KIN: variants seen among roughly 807,000 people sequenced by gnomAD.
The protein encoded by KIN is DNA/RNA-binding protein KIN17.
A neutral mutation model predicts 63.0 loss-of-function variants in KIN; 47 were observed. The ratio of observed to expected loss-of-function variants is 0.75; its 90% CI spans 0.59 to 0.95. The LOEUF (loss-of-function observed/expected upper bound fraction) is 0.95. Ranked by LOEUF, KIN falls within the 40% of genes least tolerant of loss-of-function variation. The pLI is 0.00. For synonymous variants in KIN, 160 were observed against 157.7 expected (o/e 1.01, Z -0.11); for missense variants, 408 against 460.9 (o/e 0.89, Z 1.05).
rs555367585 is a variant in KIN, at chr10:7,751,086, T to A, written c.*4994A>T. The A allele has an allele frequency of 6.6e-6, 1 of 152,352 alleles. No homozygotes were observed. Among genetic ancestry groups the A allele is most frequent in the East Asian group, 1.9e-4 (1 of 5,190 alleles). The allele number at this position is 152,352 out of a possible 1,614,324, so 9.4% of individuals were successfully genotyped here. A position where few individuals can be genotyped will look rare whatever the true frequency, so the allele number is the denominator to read the frequency against. Reference sequence around the variant, plus strand: ...AATTTAAAGCGAAACTAGGTTACTTTATGCTGTCTGCATTTGTATAGTGGA... The same window carrying A: ...AATTTAAAGCGAAACTAGGTTACTTAATGCTGTCTGCATTTGTATAGTGGA... On this transcript the variant is annotated 3_prime_UTR_variant, in exon 13 of 13. Transcript: ENST00000379562.
At chr10:7,763,257 G>GAAATAA (rs1199258248) in intron 10 of KIN, among the ~76,000 whole-genome samples, 1 of 152,036 alleles carries the variant, frequency 6.6e-6, no homozygotes, top group African/African-American at 2.4e-5. Flanking sequence ...CTCTGTCTCA[G>GAAATAA]AAATAAAAAT....
chr10:7,778,654 G>C (rs1470393509), intron 5 of KIN, among the ~76,000 whole-genome samples, 184 bp downstream of exon 5: 1 of 152,124 alleles, frequency 6.6e-6, no homozygotes, highest in African/African-American at 2.4e-5. Flanking sequence ...CAGGAGAACT[G>C]CTTGAACCTG....
chr10:7,774,682 A>G (rs1835733094), intron 7 of KIN, 149 bp downstream of exon 7: 2 of 667,100 alleles, frequency 3.0e-6, no homozygotes, highest in Non-Finnish European at 5.2e-6. Flanking sequence ...AAAAAGAACA[A>G]TTGCTAAAAA....
In KIN at chr10:7,759,873, T is replaced by C. The variant is rs773720180; in HGVS notation, c.1119+17A>G. The C allele has an allele frequency of 6.0e-5, 74 of 1,236,684 alleles. No homozygotes were observed. The highest frequency in any genetic ancestry group is 7.9e-5 in the Non-Finnish European group (67 of 851,640). 76.6% of individuals were successfully genotyped at this position (1,236,684 alleles called of 1,614,324 possible). Reference sequence around the variant, plus strand: ...TAAAGCATTTTGAAATTTCTGTCTTTGTGTAAACAAACTTACAGTTTCAAT... The same window carrying C: ...TAAAGCATTTTGAAATTTCTGTCTTCGTGTAAACAAACTTACAGTTTCAAT... On this transcript the variant is annotated intron_variant, in intron 12 of 12. Coordinates refer to ENST00000379562, the MANE Select transcript of KIN (RefSeq NM_012311.4).
At chr10:7,773,100 T>A (rs1474439678) in intron 7 of KIN, among the ~76,000 whole-genome samples, 1 of 152,170 alleles carries the variant, frequency 6.6e-6, no homozygotes, top group Non-Finnish European at 1.5e-5. Context: ...ACTGGAGAGA[T>A]GCAACCATGA....
At chr10:7,770,797 G>T (rs912319847) in intron 7 of KIN, among the ~76,000 whole-genome samples, 1 of 152,188 alleles carries the variant, frequency 6.6e-6, no homozygotes, top group Non-Finnish European at 1.5e-5. Context: ...GAATACAACA[G>T]ATTTATTATT....
rs757255122 is a variant in KIN, at chr10:7,762,439, G to A, written c.1018+18C>T. On this transcript the variant is annotated intron_variant, in intron 11 of 12. Transcript: ENST00000379562. ...ATTTTGATGGCATATGTATTAAATG[G>A]TCTGCAAACAGATTTACCTGGTGCT... The A allele has an allele frequency of 6.9e-7, 1 of 1,449,778 alleles. No individual in the cohort carries two copies. Among genetic ancestry groups the A allele is most frequent in the East Asian group, 2.3e-5 (1 of 43,956 alleles). The allele number at this position is 1,449,778 out of a possible 1,614,324, so 89.8% of individuals were successfully genotyped here.
chr10:7,775,034 C>T (rs1379776927), intron 6 of KIN, 143 bp from the exon 7 acceptor site: 3 of 627,240 alleles, frequency 4.8e-6, no homozygotes, highest in Non-Finnish European at 8.4e-6. Context: ...ATACGGAGAC[C>T]ACACATTCCT....
At chr10:7,761,054 T>C (rs1223182077) in intron 11 of KIN, among the ~76,000 whole-genome samples, 1 of 152,164 alleles carries the variant, frequency 6.6e-6, no homozygotes, top group Non-Finnish European at 1.5e-5. Flanking sequence ...TGTCAGCAGA[T>C]GTCGAGGAAG....
chr10:7,778,600 G>A (rs1262843986), intron 5 of KIN, among the ~76,000 whole-genome samples: 4 of 152,134 alleles, frequency 2.6e-5, no homozygotes, highest in African/African-American at 7.2e-5. Flanking sequence ...TTATCTGGGC[G>A]TGGTGGCGGG....
chr10:7,787,779 G>C, intron 1 of KIN, 41 bp downstream of exon 1: 1 of 1,469,182 alleles, frequency 6.8e-7, no homozygotes, highest in Non-Finnish European at 9.5e-7. Flanking sequence ...GGATTGCCAG[G>C]GGCCCTCCTG....
chr10:7,757,042 T>C (rs1252918634), intron 12 of KIN, among the ~76,000 whole-genome samples: 1 of 152,230 alleles, frequency 6.6e-6, no homozygotes, highest in African/African-American at 2.4e-5. Context: ...GTTTCCTCTC[T>C]GTGCCTTATT....
intron 2 of KIN, among the ~76,000 whole-genome samples, chr10:7,782,455 A>G (rs568766201): frequency 6.6e-6 from 1 of 150,732 alleles, no homozygotes; most frequent in East Asian, 2.0e-4. Flanking sequence ...CTAGAGTGCA[A>G]TGGTGCAATC....
rs555810316 is a variant in KIN at position 7,760,160 on chromosome 10, G to T, written c.1019-170C>A. ...GTGTAGTATTTTAGTGCGGTGTATGGATACTTTCACTACTCGAACATTATA... is the reference window on the plus strand; with the variant it reads ...GTGTAGTATTTTAGTGCGGTGTATGTATACTTTCACTACTCGAACATTATA... On this transcript the variant is annotated intron_variant, in intron 11 of 12. Transcript: ENST00000379562. Among the ~76,000 whole-genome samples, 3 of 152,202 alleles carry T rather than the reference G, an allele frequency of 2.0e-5. No individual in the cohort carries two copies. The South Asian group carries it at 6.2e-4, about 32-fold the overall frequency.
At chr10:7,760,101 C>A in intron 11 of KIN, 111 bp from the exon 12 acceptor site, 2 of 537,234 alleles carry the variant, frequency 3.7e-6, no homozygotes, top group Non-Finnish European at 6.4e-6. Flanking sequence ...AAACAAAACC[C>A]TTTTTCTTAG....
intron 10 of KIN, 50 bp downstream of exon 10, chr10:7,763,673 A>G (rs775709525): frequency 2.0e-6 from 2 of 1,001,678 alleles, no homozygotes; most frequent in East Asian, 2.6e-5. Context: ...AGCTTCACTC[A>G]GTGACCCAAG....
intron 5 of KIN, among the ~76,000 whole-genome samples, chr10:7,777,708 G>T (rs746443314): frequency 6.6e-6 from 1 of 152,060 alleles, no homozygotes; most frequent in East Asian, 1.9e-4. Flanking sequence ...GATCAACCTG[G>T]CCAACATGGT....
chr10:7,766,657 A>T (rs920488476), intron 8 of KIN, among the ~76,000 whole-genome samples: 57 of 152,268 alleles, frequency 3.7e-4, no homozygotes, highest in Non-Finnish European at 5.9e-5. Flanking sequence ...TTCTTTCTCA[A>T]CTGCTTACAG....
In KIN at chr10:7,755,937, G is replaced by GAAA; in HGVS notation, c.*142_*143insTTT. 1 of 287,222 alleles carries GAAA rather than the reference G, an allele frequency of 3.5e-6. No individual in the cohort carries two copies. 17.8% of individuals were successfully genotyped at this position (287,222 alleles called of 1,614,324 possible). ...ATTAAATTCTTCTCAAAGTTTAGCT[G>GAAA]AACAACTATACAGTAATATTTTCAA... On this transcript the variant is annotated 3_prime_UTR_variant, in exon 13 of 13. Transcript: ENST00000379562.
Sources: allele counts gnomAD v4.1 joint callset (sites outside exome capture counted in the v4.1 genomes callset), GRCh38; gene constraint gnomAD v4.1.1; transcripts MANE v1.5; gene names NCBI Gene and HGNC (gene_info 2026-07-23, HGNC 2026-07-21).